PTAR1: variants seen among roughly 807,000 people sequenced by gnomAD.
PTAR1 encodes the protein protein prenyltransferase alpha subunit repeat-containing protein 1.
A neutral mutation model predicts 45.5 loss-of-function variants in PTAR1; 17 were observed. That is an observed-to-expected ratio of 0.37 (90% CI 0.26 to 0.56). PTAR1 has a LOEUF of 0.56. Ranked by LOEUF, PTAR1 falls within the 20% of genes least tolerant of loss-of-function variation. The pLI is 0.77. For missense variants in PTAR1, 391 were observed against 476.3 expected (o/e 0.82, Z 1.67); for synonymous variants, 169 against 171.3 (o/e 0.99, Z 0.11).
chr9:69,734,866 T>G (rs1456610264), intron 3 of PTAR1, among the ~76,000 whole-genome samples: 1 of 152,208 alleles, frequency 6.6e-6, no homozygotes, highest in East Asian at 1.9e-4. Context: ...ATCTTAAGAA[T>G]TTCCCCATGA....
At chr9:69,719,727 G>C (rs1452649741) in intron 6 of PTAR1, among the ~76,000 whole-genome samples, 2 of 152,140 alleles carry the variant, frequency 1.3e-5, no homozygotes, top group African/African-American at 4.8e-5. Flanking sequence ...TGTCAAGCAA[G>C]TCTATCAGCA....
In PTAR1 at chr9:69,751,160, T is replaced by C. The variant is rs141135660; in HGVS notation, c.87-210A>G. ...ACTCTCTGTAGACAGGAGTGAAAAC[T>C]GGTCTTGCCTTTGGATGGCAACTTA... On this transcript the variant is annotated intron_variant, in intron 1 of 7. Coordinates refer to ENST00000340434, the MANE Select transcript of PTAR1 (RefSeq NM_001099666.2). 5.2e-3 allele frequency among the ~76,000 whole-genome samples: 794 copies of C among 152,172 alleles called. 8 individuals are homozygous for C. Among genetic ancestry groups the C allele is most frequent in the African/African-American group, 0.016 (663 of 41,518 alleles).
chr9:69,721,505 G>A (rs1334966396), intron 6 of PTAR1, among the ~76,000 whole-genome samples: 2 of 152,200 alleles, frequency 1.3e-5, no homozygotes, highest in African/African-American at 4.8e-5. Context: ...CACAAACTTA[G>A]TTGATAAAGC....
chr9:69,730,804 C>T (rs574327653), intron 5 of PTAR1, among the ~76,000 whole-genome samples: 203 of 151,928 alleles, frequency 1.3e-3, no homozygotes, highest in Middle Eastern at 3.4e-3. Flanking sequence ...ATAAATTGCA[C>T]GGAGTTGATC....
intron 1 of PTAR1, chr9:69,758,515 T>C (rs929981787): frequency 5.8e-6 from 1 of 171,198 alleles, no homozygotes; most frequent in African/African-American, 2.4e-5. Flanking sequence ...CAGGAAATCA[T>C]TCCAAACACT....
intron 1 of PTAR1, among the ~76,000 whole-genome samples, chr9:69,754,722 ATTT>A (rs60535913): frequency 2.6e-4 from 37 of 141,182 alleles, no homozygotes; most frequent in South Asian, 4.4e-4. Flanking sequence ...ATATATATAT[ATTT>A]TTTTTTTTTG....
chr9:69,718,641 G>A lies in PTAR1; in HGVS notation c.982+9C>T. 6 of 1,606,774 alleles carry A rather than the reference G, an allele frequency of 3.7e-6. No homozygotes were observed. Among genetic ancestry groups the A allele is most frequent in the Non-Finnish European group, 3.4e-6 (4 of 1,176,070 alleles). Reference sequence around the variant, plus strand: ...GGTGACAACTGGGTCATGCTGTGAGGAAACCTACCATTTAAGTGATGCTGA... The same window carrying A: ...GGTGACAACTGGGTCATGCTGTGAGAAAACCTACCATTTAAGTGATGCTGA... On this transcript the variant is annotated intron_variant, in intron 7 of 7. Transcript: ENST00000340434.
intron 5 of PTAR1, among the ~76,000 whole-genome samples, chr9:69,724,464 G>A (rs1440863957): frequency 6.6e-6 from 1 of 152,144 alleles, no homozygotes; most frequent in Admixed American, 6.6e-5. Context: ...TCCGTCAGAG[G>A]ATTTTCAGAC....
chr9:69,732,370 G>A lies in PTAR1; in HGVS notation c.429-18C>T, dbSNP rs553543191. On this transcript the variant is annotated intron_variant, in intron 4 of 7. Coordinates refer to ENST00000340434, the MANE Select transcript of PTAR1 (RefSeq NM_001099666.2). Reference sequence around the variant, plus strand: ...CCCATCGCCTGTTAAGGCAGCATGTGGGAAAGAGAACACAGAAAGAACATA... The same window carrying A: ...CCCATCGCCTGTTAAGGCAGCATGTAGGAAAGAGAACACAGAAAGAACATA... The A allele has an allele frequency of 5.1e-6, 8 of 1,554,708 alleles. No homozygotes were observed. The highest frequency in any genetic ancestry group is 4.5e-5 in the East Asian group (2 of 44,556).
chr9:69,719,402 C>A (rs891075521), intron 6 of PTAR1, among the ~76,000 whole-genome samples: 1 of 152,162 alleles, frequency 6.6e-6, no homozygotes, highest in Non-Finnish European at 1.5e-5. Flanking sequence ...AATTTCAATT[C>A]AGTGGGGGCA....
intron 6 of PTAR1, among the ~76,000 whole-genome samples, chr9:69,722,523 C>T (rs1213290213): frequency 6.6e-6 from 1 of 152,072 alleles, no homozygotes; most frequent in Non-Finnish European, 1.5e-5. Flanking sequence ...GATTATACTT[C>T]AGGTAAGTTA....
intron 5 of PTAR1, 90 bp from the exon 6 acceptor site, chr9:69,723,720 C>T (rs1478966149): frequency 2.5e-5 from 25 of 1,015,684 alleles, no homozygotes; most frequent in Non-Finnish European, 3.6e-5. Flanking sequence ...TTGATTTGTT[C>T]CTTTTTTGAC....
intron 3 of PTAR1, among the ~76,000 whole-genome samples, chr9:69,739,395 CAA>C (rs1024982971): frequency 3.9e-5 from 4 of 102,990 alleles, no homozygotes; most frequent in African/African-American, 3.6e-5. Flanking sequence ...ATTTCCAAAG[CAA>C]AAAAAAAAAG....
rs1824614691 is a variant in PTAR1, at chr9:69,713,771, CAGAA to C, written c.*4567_*4570del. 1 of 152,002 alleles carries C rather than the reference CAGAA, an allele frequency of 6.6e-6. No individual in the cohort carries two copies. The highest frequency in any genetic ancestry group is 2.4e-5 in the African/African-American group (1 of 41,404). 9.4% of individuals were successfully genotyped at this position (152,002 alleles called of 1,614,324 possible). On this transcript the variant is annotated 3_prime_UTR_variant, in exon 8 of 8. Coordinates refer to ENST00000340434, the MANE Select transcript of PTAR1 (RefSeq NM_001099666.2). The stretch of plus-strand genomic sequence containing the variant: ...CTCCAACCCCCAAAACGTTAGTTGC[CAGAA>C]AGAAAGAACTAAATCTTGGTAGGGT...
intron 1 of PTAR1, chr9:69,757,900 T>C (rs1826864425): frequency 6.6e-6 from 1 of 152,152 alleles, no homozygotes; most frequent in African/African-American, 2.4e-5. Context: ...AGTTTTACTG[T>C]GGGGAATATG....
At chr9:69,726,327 C>T (rs112426175) in intron 5 of PTAR1, among the ~76,000 whole-genome samples, 6 of 152,030 alleles carry the variant, frequency 3.9e-5, no homozygotes, top group Admixed American at 3.3e-4. Flanking sequence ...ATTATAAATA[C>T]ATTCCTATGG....
intron 5 of PTAR1, among the ~76,000 whole-genome samples, chr9:69,728,111 A>G (rs1189235867): frequency 6.6e-6 from 1 of 152,186 alleles, no homozygotes; most frequent in Non-Finnish European, 1.5e-5. Context: ...TCCACGTTAT[A>G]GCATGTATCA....
chr9:69,750,587 A>C (rs1425424599), intron 2 of PTAR1, among the ~76,000 whole-genome samples, 194 bp downstream of exon 2: 1 of 151,282 alleles, frequency 6.6e-6, no homozygotes, highest in African/African-American at 2.4e-5. Flanking sequence ...GCTTCTATAT[A>C]ATCACTGTGG....
chr9:69,754,301 T>C (rs911022511), intron 1 of PTAR1, among the ~76,000 whole-genome samples: 1 of 152,134 alleles, frequency 6.6e-6, no homozygotes, highest in African/African-American at 2.4e-5. Flanking sequence ...GTCATATTGC[T>C]AGTGGCTAAG....
Sources: allele counts gnomAD v4.1 joint callset (sites outside exome capture counted in the v4.1 genomes callset), GRCh38; gene constraint gnomAD v4.1.1; transcripts MANE v1.5; gene names NCBI Gene and HGNC (gene_info 2026-07-23, HGNC 2026-07-21).